Variants in LRP1B observed in about 807,000 individuals in gnomAD.
The protein encoded by LRP1B is LDL receptor related protein 1B.
LRP1B carries 217 observed loss-of-function variants against 556.6 expected under a neutral mutation model. The ratio of observed to expected loss-of-function variants is 0.39; its 90% CI spans 0.35 to 0.44. The LOEUF (loss-of-function observed/expected upper bound fraction) is 0.44. Among genes scored for constraint, LRP1B ranks in the 20% least tolerant of loss-of-function variants. The probability of loss-of-function intolerance (pLI) is 1.00; values close to 1 mark genes in which losing one functional copy is unlikely to be tolerated. For missense variants in LRP1B, 5,053 were observed against 5,620.8 expected, an observed-to-expected ratio of 0.90 and a Z score of 3.23; for synonymous variants, 2,047 against 1,865.8, an observed-to-expected ratio of 1.10 and a Z score of -2.50.
At chr2:140,442,388 C>T (rs1686468059) in intron 66 of LRP1B, 116 bp downstream of exon 66, 6 of 1,339,996 alleles carry the variant, frequency 4.5e-6, no homozygotes, top group Non-Finnish European at 6.0e-6. Flanking sequence ...AGAGACAAAA[C>T]CTTTTCAGGT....
Position 140,718,192 on chromosome 2 carries a change from A to G in LRP1B, c.5759-1376T>C, listed in dbSNP as rs185469108. On this transcript the variant is annotated intron_variant, in intron 35 of 90. Coordinates refer to ENST00000389484, the MANE Select transcript of LRP1B (RefSeq NM_018557.3). ...TTGATGTACAATGGACAAATTCTCA[A>G]TGAAATATGCTTCTCCTGAAGTCTT... is the stretch of plus-strand genomic sequence containing the variant. Among the ~76,000 whole-genome samples, 12 of 152,006 alleles carry G rather than the reference A, an allele frequency of 7.9e-5. No individual in the cohort carries two copies. The East Asian group carries it at 1.9e-3, about 25-fold the overall frequency.
chr2:141,259,753 T>G (rs1039992278), intron 3 of LRP1B, among the ~76,000 whole-genome samples: 1 of 152,196 alleles, frequency 6.6e-6, no homozygotes, highest in African/African-American at 2.4e-5. Flanking sequence ...TGACTAAAGC[T>G]CTCATTACAT....
At chr2:140,281,871 T>C (rs998559881) in intron 84 of LRP1B, among the ~76,000 whole-genome samples, 5 of 151,780 alleles carry the variant, frequency 3.3e-5, no homozygotes, top group Non-Finnish European at 5.9e-5. Context: ...CTGCTGATAT[T>C]ATCCCTGCAG....
chr2:140,555,136 G>A (rs1177689675), intron 43 of LRP1B, among the ~76,000 whole-genome samples: 2 of 151,164 alleles, frequency 1.3e-5, no homozygotes, highest in Non-Finnish European at 2.9e-5. Context: ...CTAGTCAAAA[G>A]AGGATATATT....
intron 66 of LRP1B, among the ~76,000 whole-genome samples, chr2:140,426,824 C>T (rs191552638): frequency 4.6e-5 from 7 of 152,254 alleles, no homozygotes; most frequent in African/African-American, 7.2e-5. Flanking sequence ...TGACTCGGAT[C>T]GGGGGACCTC....
chr2:141,941,497 T>C (rs893306443), intron 1 of LRP1B, among the ~76,000 whole-genome samples: 1 of 152,208 alleles, frequency 6.6e-6, no homozygotes, highest in Non-Finnish European at 1.5e-5. Context: ...CACCTATTCC[T>C]TGTTGAAGGC....
At chr2:140,379,077 A>G (rs1254298438) in intron 67 of LRP1B, among the ~76,000 whole-genome samples, 2 of 152,210 alleles carry the variant, frequency 1.3e-5, no homozygotes, top group Admixed American at 1.3e-4. Context: ...CAAGTAATCA[A>G]TATGACTGCT....
chr2:141,182,705 G>A (rs561573891), intron 7 of LRP1B, among the ~76,000 whole-genome samples: 64 of 152,026 alleles, frequency 4.2e-4, no homozygotes, highest in Middle Eastern at 3.4e-3. Flanking sequence ...GGGAAACTAA[G>A]TTTATAGAAA....
chr2:140,469,050 T>A (rs1044189687), intron 60 of LRP1B, among the ~76,000 whole-genome samples: 7 of 152,158 alleles, frequency 4.6e-5, no homozygotes, highest in Non-Finnish European at 1.0e-4. Flanking sequence ...AAGTTAAGAA[T>A]TTGGGGGCTA....
intron 11 of LRP1B, among the ~76,000 whole-genome samples, chr2:141,020,660 G>A (rs7564751): frequency 0.032 from 4,923 of 152,006 alleles, 187 homozygotes; most frequent in African/African-American, 0.087. Context: ...CAATCTCAAG[G>A]AATCGCCAAA....
intron 66 of LRP1B, among the ~76,000 whole-genome samples, chr2:140,441,632 A>G (rs1269859245): frequency 6.6e-6 from 1 of 152,220 alleles, no homozygotes; most frequent in Non-Finnish European, 1.5e-5. Flanking sequence ...CATTTTCCCC[A>G]TAAAAGTTCA....
rs1179800532 is a variant in LRP1B at position 142,130,808 on chromosome 2, G to C, written c.-79C>G. 8 of 1,105,754 alleles carry C rather than the reference G, an allele frequency of 7.2e-6. No individual in the cohort carries two copies. Among genetic ancestry groups the C allele is most frequent in the East Asian group, 5.1e-5 (2 of 39,320 alleles). The allele number at this position is 1,105,754 out of a possible 1,614,324, so 68.5% of individuals were successfully genotyped here. A position where few individuals can be genotyped will look rare whatever the true frequency, so the allele number is the denominator to read the frequency against. ...GCCCGGCGGCGGCGGCGGCGGCAGGGGCCGCTTGGAGCCTGGAATCGAGCG... is the reference window on the plus strand; with the variant it reads ...GCCCGGCGGCGGCGGCGGCGGCAGGCGCCGCTTGGAGCCTGGAATCGAGCG... On this transcript the variant is annotated 5_prime_UTR_variant, in exon 1 of 91. Transcript: ENST00000389484.
intron 1 of LRP1B, among the ~76,000 whole-genome samples, chr2:141,982,646 T>C (rs1281625269): frequency 6.6e-6 from 1 of 152,216 alleles, no homozygotes. Flanking sequence ...ATTTGTAATC[T>C]AAGAAAAGGA....
At chr2:141,967,712 A>G (rs1701601045) in intron 1 of LRP1B, among the ~76,000 whole-genome samples, 2 of 151,872 alleles carry the variant, frequency 1.3e-5, no homozygotes, top group Non-Finnish European at 2.9e-5. Flanking sequence ...GGATTTTAAT[A>G]GTAATTTATA....
At chr2:142,022,113 T>C (rs1377746916) in intron 1 of LRP1B, among the ~76,000 whole-genome samples, 16 of 152,170 alleles carry the variant, frequency 1.1e-4, no homozygotes. Context: ...ATTTTGATTA[T>C]TATTTTTATA....
intron 41 of LRP1B, among the ~76,000 whole-genome samples, chr2:140,696,206 A>T (rs1222578026): frequency 1.3e-5 from 2 of 152,152 alleles, no homozygotes; most frequent in Non-Finnish European, 2.9e-5. Flanking sequence ...ATATTTATTT[A>T]TATGTGCCAA....
Position 140,827,322 on chromosome 2 carries a change from C to A in LRP1B, c.5209+12669G>T, listed in dbSNP as rs116073015. Among the ~76,000 whole-genome samples, 935 of 152,082 alleles carry A rather than the reference C, an allele frequency of 6.1e-3. 14 individuals are homozygous for A. The highest frequency in any genetic ancestry group is 0.021 in the African/African-American group (854 of 41,486). ...GACAGCAATTTGTGAGCTCTCAGATCAAGAATTCAAAATGGTAGTTCTGAA... is the reference window on the plus strand; with the variant it reads ...GACAGCAATTTGTGAGCTCTCAGATAAAGAATTCAAAATGGTAGTTCTGAA... On this transcript the variant is annotated intron_variant, in intron 31 of 90. Transcript: ENST00000389484.
At chr2:141,825,286 G>T (rs2105736324) in intron 1 of LRP1B, among the ~76,000 whole-genome samples, 1 of 152,302 alleles carries the variant, frequency 6.6e-6, no homozygotes, top group Non-Finnish European at 1.5e-5. Flanking sequence ...TCATGAAGGT[G>T]TAGCACAGAT....
intron 1 of LRP1B, among the ~76,000 whole-genome samples, chr2:142,053,368 A>G (rs1704540441): frequency 6.6e-6 from 1 of 152,176 alleles, no homozygotes; most frequent in Admixed American, 6.5e-5. Context: ...AAAAGAGCAT[A>G]GCAGAAATTA....
Sources: allele counts gnomAD v4.1 joint callset (sites outside exome capture counted in the v4.1 genomes callset), GRCh38; gene constraint gnomAD v4.1.1; transcripts MANE v1.5; gene names NCBI Gene and HGNC (gene_info 2026-07-23, HGNC 2026-07-21).